Variants in TRIM72 observed in about 807,000 individuals in gnomAD.
TRIM72 encodes tripartite motif containing 72.
A neutral mutation model predicts 31.6 loss-of-function variants in TRIM72; 33 were observed. The observed-to-expected ratio is 1.04, with a 90% confidence interval of 0.79 to 1.40. TRIM72 has a LOEUF of 1.40. TRIM72 is among the 40% of genes most tolerant of loss of function. TRIM72 has a pLI of 0.00. For missense variants in TRIM72, 666 were observed against 682.7 expected (o/e 0.98, Z 0.27); for synonymous variants, 301 against 314.4 (o/e 0.96, Z 0.45).
Position 31,229,317 on chromosome 16 carries a change from T to C in TRIM72, c.*4562T>C, listed in dbSNP as rs536611003. ...GCCAGAGCCACCGTCCAAACACTCC[T>C]GTGCCTTCCGGGACCCGGGCTGGCT... On this transcript the variant is annotated 3_prime_UTR_variant, in exon 7 of 7. Coordinates refer to ENST00000322122, the MANE Select transcript of TRIM72 (RefSeq NM_001008274.4). 1.0e-4 allele frequency: 16 copies of C among 152,398 alleles called. No homozygotes were observed. The highest frequency in any genetic ancestry group is 1.0e-3 in the Admixed American group (16 of 15,298). 9.4% of individuals were successfully genotyped at this position (152,398 alleles called of 1,614,324 possible). A position where few individuals can be genotyped will look rare whatever the true frequency, so the allele number is the denominator to read the frequency against.
intron 6 of TRIM72, 67 bp from the exon 7 acceptor site, chr16:31,224,114 A>C: frequency 6.5e-7 from 1 of 1,536,344 alleles, no homozygotes; most frequent in South Asian, 1.2e-5. Flanking sequence ...GCTGGCCTGC[A>C]ATTGGTTGGG....
Position 31,219,208 on chromosome 16 carries a change from C to A in TRIM72, c.486+18C>A. 6.2e-7 allele frequency: 1 copy of A among 1,613,714 alleles called. No individual in the cohort carries two copies. The highest frequency in any genetic ancestry group is 8.5e-7 in the Non-Finnish European group (1 of 1,179,810). ...AGGTGGAGGTGAGGACTTCACAGGG[C>A]CATGTCTGAGGGCTGGGGGCCAGGC... On this transcript the variant is annotated intron_variant, in intron 3 of 6. Coordinates refer to ENST00000322122, the MANE Select transcript of TRIM72 (RefSeq NM_001008274.4). This position sits in a 1 kb window ranked among gnomAD's most constrained non-coding sequence, Gnocchi z 4.2.
chr16:31,214,906 C>T lies in TRIM72; in HGVS notation c.168C>T (p.Cys56=). The T allele has an allele frequency of 1.3e-6, 2 of 1,517,750 alleles. No homozygotes were observed. Among genetic ancestry groups the T allele is most frequent in the Non-Finnish European group, 1.8e-6 (2 of 1,140,212 alleles). 94.0% of individuals were successfully genotyped at this position (1,517,750 alleles called of 1,614,324 possible). ...AADGTVLCPC[C]QAPTRPQALS... is the part of the protein sequence containing the mutation. ...ATGGCACCGTTCTCTGCCCCTGCTGCCAGGCCCCCACGCGGCCGCAGGCAC... is the reference window on the plus strand; with the variant it reads ...ATGGCACCGTTCTCTGCCCCTGCTGTCAGGCCCCCACGCGGCCGCAGGCAC... Residue 56 remains cysteine, a synonymous_variant, in exon 2 of 7, where the codon TGC becomes TGT. Coordinates refer to ENST00000322122, the MANE Select transcript of TRIM72 (RefSeq NM_001008274.4).
chr16:31,220,345 G>A (rs974577629), intron 4 of TRIM72, among the ~76,000 whole-genome samples: 8 of 150,996 alleles, frequency 5.3e-5, no homozygotes, highest in African/African-American at 9.7e-5. Flanking sequence ...GGCCTATTAG[G>A]ACAGTTTTCT....
Position 31,222,948 on chromosome 16 carries a change from A to T in TRIM72, c.859+3A>T. ...GATGTTCCGGGCTCTGATGCCAGGTACCGGGAGGGACTGGCTCAGGTTTGT... is the reference window on the plus strand; with the variant it reads ...GATGTTCCGGGCTCTGATGCCAGGTTCCGGGAGGGACTGGCTCAGGTTTGT... On this transcript the variant is annotated splice_donor_region_variant and intron_variant, in intron 6 of 6. Transcript: ENST00000322122. 1 of 1,578,076 alleles carries T rather than the reference A, an allele frequency of 6.3e-7. No individual in the cohort carries two copies. The highest frequency in any genetic ancestry group is 8.6e-7 in the Non-Finnish European group (1 of 1,162,300).
rs1209282186 is a variant in TRIM72, at chr16:31,229,122, G to A, written c.*4367G>A. On this transcript the variant is annotated 3_prime_UTR_variant, in exon 7 of 7. Coordinates refer to ENST00000322122, the MANE Select transcript of TRIM72 (RefSeq NM_001008274.4). The stretch of plus-strand genomic sequence containing the variant: ...TATCTGAGACCCAAAGCCTCCTTCT[G>A]AGGAAATGGGTACTCTGAGAAGCAG... 1 of 152,274 alleles carries A rather than the reference G, an allele frequency of 6.6e-6. No individual in the cohort carries two copies. Among genetic ancestry groups the A allele is most frequent in the African/African-American group, 2.4e-5 (1 of 41,466 alleles). The allele number at this position is 152,274 out of a possible 1,614,324, so 9.4% of individuals were successfully genotyped here.
chr16:31,222,859 C>T lies in TRIM72; in HGVS notation c.773C>T (p.Pro258Leu). 6.5e-7 allele frequency: 1 copy of T among 1,548,586 alleles called. No homozygotes were observed. The highest frequency in any genetic ancestry group is 8.7e-7 in the Non-Finnish European group (1 of 1,154,368). ...LQKILAESPP[P>L]ARLDIQLPII... The stretch of plus-strand genomic sequence containing the variant: ...AAGATCCTGGCAGAGTCTCCCCCAC[C>T]CGCCCGTCTGGACATCCAGCTGCCA... The change falls in exon 6 of 7, where the codon CCC becomes CTC. Residue 258 changes from proline to leucine, a missense_variant. Physicochemically the swap from Pro to Leu is moderately conservative, Grantham distance 98. Transcript: ENST00000322122.
chr16:31,217,058 G>T, intron 2 of TRIM72: 1 of 1,596,240 alleles, frequency 6.3e-7, no homozygotes, highest in Non-Finnish European at 8.6e-7. Flanking sequence ...GAGCCTCCGA[G>T]GGCCTGGAGC....
In TRIM72 at chr16:31,215,266, G is replaced by T; in HGVS notation, c.390+138G>T. 3 of 1,223,416 alleles carry T rather than the reference G, an allele frequency of 2.5e-6. No homozygotes were observed. Among genetic ancestry groups the T allele is most frequent in the Non-Finnish European group, 2.1e-6 (2 of 943,678 alleles). 75.8% of individuals were successfully genotyped at this position (1,223,416 alleles called of 1,614,324 possible). On this transcript the variant is annotated intron_variant, in intron 2 of 6. Coordinates refer to ENST00000322122, the MANE Select transcript of TRIM72 (RefSeq NM_001008274.4). This position sits in a 1 kb window ranked among gnomAD's most constrained non-coding sequence, Gnocchi z 6.3. Reference sequence around the variant, plus strand: ...TGGAGTTGCGGGGGGCGGGGGCGGGGCGAAGCAGCCAGGAAAGAGGGTCTG... The same window carrying T: ...TGGAGTTGCGGGGGGCGGGGGCGGGTCGAAGCAGCCAGGAAAGAGGGTCTG...
chr16:31,216,837 G>T lies in TRIM72; in HGVS notation c.390+1709G>T. On this transcript the variant is annotated intron_variant, in intron 2 of 6. Coordinates refer to ENST00000322122, the MANE Select transcript of TRIM72 (RefSeq NM_001008274.4). The surrounding 1 kb of genome is among the most constrained non-coding windows in gnomAD (Gnocchi z 6.7). The stretch of plus-strand genomic sequence containing the variant: ...GCACGGCCACGACGAGCTCGGCTGC[G>T]TAGTCCTCGTAGTAGGAGGCGACCA... 3.1e-6 allele frequency: 5 copies of T among 1,613,714 alleles called. No homozygotes were observed. Among genetic ancestry groups the T allele is most frequent in the Non-Finnish European group, 4.2e-6 (5 of 1,179,956 alleles).
At position 31,219,378 on chromosome 16, in the gene TRIM72, C is replaced by G; in HGVS notation, c.576C>G (p.Arg192=). 1 of 1,614,082 alleles carries G rather than the reference C, an allele frequency of 6.2e-7. No individual in the cohort carries two copies. The highest frequency in any genetic ancestry group is 8.5e-7 in the Non-Finnish European group (1 of 1,180,010). ...FLAALEGSLD[R]EAERVRGEAG... is the part of the protein sequence containing the mutation. ...CTGCACTGGAGGGCTCCTTGGACCG[C>G]GAGGCAGAGCGTGTACGGGGTGAGG... is the stretch of plus-strand genomic sequence containing the variant. The change falls in exon 4 of 7, where the codon CGC becomes CGG. Residue 192 remains arginine (R), a synonymous_variant. Coordinates refer to ENST00000322122, the MANE Select transcript of TRIM72 (RefSeq NM_001008274.4). The surrounding 1 kb of genome is among the most constrained non-coding windows in gnomAD (Gnocchi z 4.2).
rs1432531359 is a variant in TRIM72, at chr16:31,224,512, C to T, written c.1191C>T (p.Ala397=). The T allele has an allele frequency of 6.7e-7, 1 of 1,496,928 alleles. No individual in the cohort carries two copies. Among genetic ancestry groups the T allele is most frequent in the Admixed American group, 2.3e-5 (1 of 43,928 alleles). The allele number at this position is 1,496,928 out of a possible 1,614,324, so 92.7% of individuals were successfully genotyped here. A position where few individuals can be genotyped will look rare whatever the true frequency, so the allele number is the denominator to read the frequency against. The change falls in exon 7 of 7, where the codon GCC becomes GCT. Residue 397 remains alanine, a synonymous_variant. Coordinates refer to ENST00000322122, the MANE Select transcript of TRIM72 (RefSeq NM_001008274.4). ...EGKILEAHVE[A]KEPRALRSPE... Reference sequence around the variant, plus strand: ...AGATCCTGGAGGCACACGTGGAGGCCAAGGAGCCGCGCGCTCTGCGCAGCC... The same window carrying T: ...AGATCCTGGAGGCACACGTGGAGGCTAAGGAGCCGCGCGCTCTGCGCAGCC...
intron 5 of TRIM72, among the ~76,000 whole-genome samples, chr16:31,221,126 T>C (rs1225054901): frequency 6.6e-6 from 1 of 152,034 alleles, no homozygotes; most frequent in Non-Finnish European, 1.5e-5. Context: ...GTGAGACACA[T>C]GTGGGTGGGG....
rs1017762441 is a variant in TRIM72 at position 31,226,454 on chromosome 16, G to T, written c.*1699G>T. ...ACAAAAACCAGAAAAACAACAAAAA[G>T]AAGACATTGGAAAATGGCTGGAGCT... On this transcript the variant is annotated 3_prime_UTR_variant, in exon 7 of 7. Coordinates refer to ENST00000322122, the MANE Select transcript of TRIM72 (RefSeq NM_001008274.4). The T allele has an allele frequency of 6.6e-5, 10 of 152,242 alleles. No individual in the cohort carries two copies. Among genetic ancestry groups the T allele is most frequent in the Admixed American group, 1.3e-4 (2 of 15,280 alleles). The allele number at this position is 152,242 out of a possible 1,614,324, so 9.4% of individuals were successfully genotyped here.
At chr16:31,220,973 C>T in intron 5 of TRIM72, 55 bp downstream of exon 5, 1 of 1,608,696 alleles carries the variant, frequency 6.2e-7, no homozygotes. Context: ...CTTCTAGGGA[C>T]ACCAGCCGGC....
Position 31,224,499 on chromosome 16 carries a change from C to A in TRIM72, c.1178C>A (p.Ala393Glu). The A allele has an allele frequency of 6.7e-7, 1 of 1,490,034 alleles. No individual in the cohort carries two copies. Among genetic ancestry groups the A allele is most frequent in the Non-Finnish European group, 8.9e-7 (1 of 1,128,560 alleles). The allele number at this position is 1,490,034 out of a possible 1,614,324, so 92.3% of individuals were successfully genotyped here. A position where few individuals can be genotyped will look rare whatever the true frequency, so the allele number is the denominator to read the frequency against. The part of the protein sequence containing the change: ...LGLREGKILE[A>E]HVEAKEPRAL... ...CTGCGCGAGGGCAAGATCCTGGAGG[C>A]ACACGTGGAGGCCAAGGAGCCGCGC... The change falls in exon 7 of 7, where the codon GCA becomes GAA. Residue 393 changes from alanine (A) to glutamate (E), a missense_variant. By Grantham distance (107) the Ala-to-Glu change is moderately radical (BLOSUM62 -1). Transcript: ENST00000322122.
At position 31,219,492 on chromosome 16, in the gene TRIM72, G is replaced by A. The variant is rs144251667; in HGVS notation, c.690G>A (p.Ala230=). ...RQMEKVLEEV[A]DKPQTEFLMK... ...TGGAGAAGGTCCTGGAGGAGGTGGCGGACAAGCCGCAGACTGAGTTCCTCA... is the reference window on the plus strand; with the variant it reads ...TGGAGAAGGTCCTGGAGGAGGTGGCAGACAAGCCGCAGACTGAGTTCCTCA... The change falls in exon 4 of 7, where the codon GCG becomes GCA. Residue 230 remains alanine (A), a synonymous_variant. Coordinates refer to ENST00000322122, the MANE Select transcript of TRIM72 (RefSeq NM_001008274.4). The surrounding 1 kb of genome is among the most constrained non-coding windows in gnomAD (Gnocchi z 4.2). 983 of 1,610,956 alleles carry A rather than the reference G, an allele frequency of 6.1e-4. 9 individuals are homozygous for A. The African/African-American group carries it at 0.011, about 18-fold the overall frequency.
rs900803410 is a variant in TRIM72 at position 31,216,436 on chromosome 16, AAAAC to A, written c.390+1320_390+1323del. 7.9e-5 allele frequency: 28 copies of A among 352,702 alleles called. No homozygotes were observed. The highest frequency in any genetic ancestry group is 2.4e-4 in the Admixed American group (5 of 21,160). 21.8% of individuals were successfully genotyped at this position (352,702 alleles called of 1,614,324 possible). Reference sequence around the variant, plus strand: ...CTTGCTGCCGCTAAAAAAAAAACAAAAAACAAACAAACAAAAAAAACCCAACCTC... The same window carrying A: ...CTTGCTGCCGCTAAAAAAAAAACAAAAAACAAACAAAAAAAACCCAACCTC... On this transcript the variant is annotated intron_variant, in intron 2 of 6. Transcript: ENST00000322122. The surrounding 1 kb of genome is among the most constrained non-coding windows in gnomAD (Gnocchi z 6.7).
Position 31,224,428 on chromosome 16 carries a change from C to T in TRIM72, c.1107C>T (p.Arg369=). The change falls in exon 7 of 7, where the codon CGC becomes CGT. Residue 369 remains arginine, a synonymous_variant. Coordinates refer to ENST00000322122, the MANE Select transcript of TRIM72 (RefSeq NM_001008274.4). ...LGVIAAEAPR[R]GRLHAVPSQG... is the part of the protein sequence containing the mutation. ...TGATCGCGGCCGAGGCCCCCCGCCG[C>T]GGGCGCCTGCACGCGGTGCCCTCGC... 7.0e-7 allele frequency: 1 copy of T among 1,423,162 alleles called. No individual in the cohort carries two copies. Among genetic ancestry groups the T allele is most frequent in the Non-Finnish European group, 9.1e-7 (1 of 1,100,808 alleles). 88.2% of individuals were successfully genotyped at this position (1,423,162 alleles called of 1,614,324 possible). A position where few individuals can be genotyped will look rare whatever the true frequency, so the allele number is the denominator to read the frequency against.
Sources: gnomAD v4.1 joint callset for allele counts (sites outside exome capture counted in the v4.1 genomes callset) on GRCh38, gnomAD v4.1.1 for gene constraint, Gnocchi (gnomAD v3.1) non-coding constraint, MANE v1.5 for transcripts, NCBI Gene and HGNC (gene_info 2026-07-23, HGNC 2026-07-21) for gene names.